MINK1: variants seen among roughly 807,000 people sequenced by gnomAD.
The protein encoded by MINK1 is misshapen like kinase 1.
Under a neutral mutation model 178.4 loss-of-function variants are expected in MINK1, and 46 were observed. The ratio of observed to expected loss-of-function variants is 0.26; its 90% CI spans 0.20 to 0.33. MINK1 has a LOEUF of 0.33. MINK1 is among the 10% of genes least tolerant of loss of function. MINK1 has a pLI of 1.00. For synonymous variants in MINK1, 797 were observed against 709.7 expected, an observed-to-expected ratio of 1.12 and a Z score of -1.96; for missense variants, 1,366 against 1,814.9, an observed-to-expected ratio of 0.75 and a Z score of 4.49.
intron 4 of MINK1, among the ~76,000 whole-genome samples, chr17:4,882,035 C>T (rs1453059073): frequency 6.6e-6 from 1 of 152,248 alleles, no homozygotes; most frequent in South Asian, 2.1e-4. Flanking sequence ...GTCCTGGCCT[C>T]CAAGGCCCTT....
chr17:4,878,224 C>A (rs1967366472), intron 1 of MINK1, 93 bp from the exon 2 acceptor site: 3 of 1,146,904 alleles, frequency 2.6e-6, no homozygotes, highest in Non-Finnish European at 3.7e-6. Context: ...GTCTTCACTC[C>A]CATATCTTGA....
intron 4 of MINK1, among the ~76,000 whole-genome samples, chr17:4,882,709 C>T (rs1049369712): frequency 2.0e-5 from 3 of 152,200 alleles, no homozygotes; most frequent in East Asian, 1.9e-4. Flanking sequence ...AGTACGTAAA[C>T]GAATGAGTGT....
chr17:4,884,225 C>T, intron 4 of MINK1, 138 bp from the exon 5 acceptor site: 3 of 647,344 alleles, frequency 4.6e-6, no homozygotes, highest in Non-Finnish European at 8.3e-6. Flanking sequence ...GCTTCTGTGG[C>T]CCTTGCTCTC....
At chr17:4,884,558 G>C in intron 5 of MINK1, 85 bp downstream of exon 5, 2 of 1,030,364 alleles carry the variant, frequency 1.9e-6, no homozygotes, top group South Asian at 1.4e-5. Context: ...CCTGCGCTGG[G>C]AGGAGACATC....
intron 1 of MINK1, among the ~76,000 whole-genome samples, chr17:4,867,074 A>ATAATAATAATAATAAT (rs75060982): frequency 2.5e-5 from 3 of 119,966 alleles, no homozygotes; most frequent in Non-Finnish European, 4.9e-5. Flanking sequence ...ACTCGTCTCA[A>ATAATAATAATAATAAT]AATAATAATA....
chr17:4,836,142 C>T lies in MINK1; in HGVS notation c.57+2502C>T, dbSNP rs1909275467. 6.6e-6 allele frequency among the ~76,000 whole-genome samples: 1 copy of T among 152,128 alleles called. No individual in the cohort carries two copies. The highest frequency in any genetic ancestry group is 6.5e-5 in the Admixed American group (1 of 15,278). ...TCTTGTGCTATTCCTGTCTGTTTTC[C>T]AGTGAGAAATGGTGTCTCCCTTTAC... On this transcript the variant is annotated intron_variant, in intron 1 of 31. Transcript: ENST00000355280. The surrounding 1 kb of genome is among the most constrained non-coding windows in gnomAD (Gnocchi z 4.3).
At chr17:4,884,625 C>T (rs909981777) in intron 5 of MINK1, among the ~76,000 whole-genome samples, 152 bp downstream of exon 5, 5 of 152,138 alleles carry the variant, frequency 3.3e-5, no homozygotes, top group African/African-American at 9.7e-5. Context: ...AAGCAGGGTC[C>T]ACACCTTGGG....
chr17:4,839,939 A>ATGTGTG lies in MINK1; in HGVS notation c.57+6340_57+6345dup, dbSNP rs34473686. On this transcript the variant is annotated intron_variant, in intron 1 of 31. Coordinates refer to ENST00000355280, the MANE Select transcript of MINK1 (RefSeq NM_153827.5). ...ACATTAATCAAGTAATTATTTATTA[A>ATGTGTG]TGTGTGTGTGTGTGTGTGTGTGTGT... is the stretch of plus-strand genomic sequence containing the variant. Among the ~76,000 whole-genome samples, 554 of 141,976 alleles carry ATGTGTG rather than the reference A, an allele frequency of 3.9e-3. 1 individual carries two copies. The highest frequency in any genetic ancestry group is 0.025 in the Middle Eastern group (7 of 282). The allele number at this position is 141,976 out of a possible 152,430, so 93.1% of individuals were successfully genotyped here.
chr17:4,887,778 C>G lies in MINK1; in HGVS notation c.1218C>G (p.Arg406=). 1 of 1,520,666 alleles carries G rather than the reference C, an allele frequency of 6.6e-7. No individual in the cohort carries two copies. The highest frequency in any genetic ancestry group is 1.3e-5 in the South Asian group (1 of 79,816). The allele number at this position is 1,520,666 out of a possible 1,614,324, so 94.2% of individuals were successfully genotyped here. The part of the protein sequence containing the change: ...RRIEEQKEER[R]RVEEQQRRER... ...TAGAGGAGCAGAAGGAGGAGCGGCG[C>G]CGCGTGGAGGAGGTGGGCTGTCTCC... Residue 406 remains arginine, a synonymous_variant, in exon 12 of 32, where the codon CGC becomes CGG. Coordinates refer to ENST00000355280, the MANE Select transcript of MINK1 (RefSeq NM_153827.5). This position sits in a 1 kb window ranked among gnomAD's most constrained non-coding sequence, Gnocchi z 7.6.
intron 1 of MINK1, chr17:4,854,897 T>C (rs1912775127): frequency 9.4e-6 from 4 of 427,504 alleles, no homozygotes; most frequent in Non-Finnish European, 1.9e-5. Context: ...AAAGGAGTTT[T>C]TTTGAAGGCT....
intron 18 of MINK1, 29 bp from the exon 19 acceptor site, chr17:4,892,627 C>T (rs1340955254): frequency 6.3e-7 from 1 of 1,578,046 alleles, no homozygotes; most frequent in Non-Finnish European, 8.6e-7. Context: ...CACCGTGCCT[C>T]CCTGACCCTG....
chr17:4,842,840 CAG>C (rs1258164364), intron 1 of MINK1, among the ~76,000 whole-genome samples: 5 of 152,184 alleles, frequency 3.3e-5, no homozygotes, highest in Non-Finnish European at 7.3e-5. Flanking sequence ...TTTTTGAAGA[CAG>C]AGGTGTGGTG....
At position 4,836,681 on chromosome 17, in the gene MINK1, A is replaced by G. The variant is rs1909353650; in HGVS notation, c.57+3041A>G. Among the ~76,000 whole-genome samples, 1 of 152,192 alleles carries G rather than the reference A, an allele frequency of 6.6e-6. No homozygotes were observed. Among genetic ancestry groups the G allele is most frequent in the Non-Finnish European group, 1.5e-5 (1 of 68,044 alleles). ...GTACAGTTCCCAGCACACAGTGATC[A>G]TATATGTGATAGCCCTTTTTGCAGT... On this transcript the variant is annotated intron_variant, in intron 1 of 31. Coordinates refer to ENST00000355280, the MANE Select transcript of MINK1 (RefSeq NM_153827.5). The surrounding 1 kb of genome is among the most constrained non-coding windows in gnomAD (Gnocchi z 4.3).
chr17:4,883,687 A>G (rs1043250561), intron 4 of MINK1, among the ~76,000 whole-genome samples: 1 of 128,858 alleles, frequency 7.8e-6, no homozygotes, highest in Non-Finnish European at 1.6e-5. Flanking sequence ...GCCCGCCACC[A>G]CGCCCGGCTA....
At chr17:4,863,859 G>A (rs1174603770) in intron 1 of MINK1, among the ~76,000 whole-genome samples, 1 of 151,870 alleles carries the variant, frequency 6.6e-6, no homozygotes, top group East Asian at 1.9e-4. Context: ...GCGCAATCTC[G>A]GCTCACTGCA....
At chr17:4,891,851 G>A in intron 16 of MINK1, 135 bp downstream of exon 16, 1 of 1,302,662 alleles carries the variant, frequency 7.7e-7, no homozygotes, top group African/African-American at 1.5e-5. Flanking sequence ...TGCCCTGCCG[G>A]GGTCAGCCGT....
intron 4 of MINK1, 82 bp from the exon 5 acceptor site, chr17:4,884,281 G>C (rs1442144093): frequency 2.9e-6 from 3 of 1,051,674 alleles, no homozygotes; most frequent in Non-Finnish European, 4.4e-6. Flanking sequence ...CCTCCTCCAG[G>C]AGTCTAGCAG....
chr17:4,846,179 C>T (rs1300554081), intron 1 of MINK1, among the ~76,000 whole-genome samples: 1 of 152,192 alleles, frequency 6.6e-6, no homozygotes, highest in African/African-American at 2.4e-5. Context: ...TTAGGGTACA[C>T]TGTTGTGGGC....
At chr17:4,845,124 AGTCCGCCTAG>A (rs1347178108) in intron 1 of MINK1, among the ~76,000 whole-genome samples, 1 of 152,154 alleles carries the variant, frequency 6.6e-6, no homozygotes, top group Non-Finnish European at 1.5e-5. Context: ...ATATTTGTTG[AGTCCGCCTAG>A]GTGCATGTCT....
Sources: gnomAD v4.1 joint callset for allele counts (sites outside exome capture counted in the v4.1 genomes callset) on GRCh38, gnomAD v4.1.1 for gene constraint, Gnocchi (gnomAD v3.1) non-coding constraint, MANE v1.5 for transcripts, NCBI Gene and HGNC (gene_info 2026-07-23, HGNC 2026-07-21) for gene names.